Variants in ABCD3 observed in about 807,000 individuals in gnomAD.
ABCD3 encodes the protein ATP-binding cassette sub-family D member 3.
A neutral mutation model predicts 105.5 loss-of-function variants in ABCD3; 41 were observed. That is an observed-to-expected ratio of 0.39 (90% confidence interval 0.30 to 0.50). The LOEUF (loss-of-function observed/expected upper bound fraction) is 0.50. ABCD3 is among the 20% of genes least tolerant of loss of function. The probability of loss-of-function intolerance (pLI) is 0.84; values close to 1 mark genes in which losing one functional copy is unlikely to be tolerated. For synonymous variants in ABCD3, 258 were observed against 269.0 expected (o/e 0.96, Z 0.40); for missense variants, 622 against 806.3 (o/e 0.77, Z 2.77).
chr1:94,469,103 T>C (rs1400159350), intron 4 of ABCD3, among the ~76,000 whole-genome samples: 1 of 152,232 alleles, frequency 6.6e-6, no homozygotes, highest in East Asian at 1.9e-4. Context: ...ATGAATTCCT[T>C]GGCTCCTCTC....
intron 19 of ABCD3, 143 bp downstream of exon 19, chr1:94,499,177 T>A: frequency 1.2e-6 from 1 of 833,420 alleles, no homozygotes; most frequent in Non-Finnish European, 2.0e-6. Context: ...TAAGCTGAGG[T>A]AAGATGTTAA....
chr1:94,439,368 G>T (rs191402549), intron 1 of ABCD3, among the ~76,000 whole-genome samples: 1 of 151,902 alleles, frequency 6.6e-6, no homozygotes, highest in African/African-American at 2.4e-5. Context: ...TAGGCTGGGC[G>T]CAGTGGCTCA....
chr1:94,495,040 C>T (rs1649731888), intron 16 of ABCD3, among the ~76,000 whole-genome samples: 1 of 152,118 alleles, frequency 6.6e-6, no homozygotes, highest in South Asian at 2.1e-4. Flanking sequence ...GAGATCGCAC[C>T]ACTATACTCC....
At chr1:94,464,992 A>C (rs1648069756) in intron 3 of ABCD3, 119 bp downstream of exon 3, 4 of 874,886 alleles carry the variant, frequency 4.6e-6, no homozygotes, top group Non-Finnish European at 7.4e-6. Flanking sequence ...CAGGCTGTAC[A>C]AGCATGGCAC....
intron 22 of ABCD3, 55 bp downstream of exon 22, chr1:94,515,257 G>T: frequency 7.3e-7 from 1 of 1,373,610 alleles, no homozygotes; most frequent in South Asian, 1.2e-5. Context: ...TTTAAAATAT[G>T]AATTCAGGTT....
intron 1 of ABCD3, among the ~76,000 whole-genome samples, chr1:94,449,894 T>G (rs569834970): frequency 1.3e-5 from 2 of 152,356 alleles, no homozygotes; most frequent in African/African-American, 4.8e-5. Context: ...TCAAATGATA[T>G]GGCCCGCTGT....
intron 1 of ABCD3, among the ~76,000 whole-genome samples, chr1:94,430,439 G>T (rs1407961540): frequency 2.6e-5 from 4 of 152,168 alleles, no homozygotes; most frequent in Non-Finnish European, 4.4e-5. Flanking sequence ...AATTCCCAGT[G>T]TTGTAGGAGG....
intron 7 of ABCD3, among the ~76,000 whole-genome samples, chr1:94,475,949 G>A (rs1057405190): frequency 6.6e-6 from 1 of 151,952 alleles, no homozygotes; most frequent in Non-Finnish European, 1.5e-5. Context: ...TGATAATTTA[G>A]TGTCTTATAA....
At chr1:94,483,893 A>T (rs1649153158) in intron 10 of ABCD3, among the ~76,000 whole-genome samples, 2 of 152,234 alleles carry the variant, frequency 1.3e-5, no homozygotes, top group Admixed American at 1.3e-4. Context: ...CAATCTACCC[A>T]TCTGACAAAG....
the ABCD3 span, among the ~76,000 whole-genome samples, chr1:94,413,024 C>T: frequency 6.6e-6 from 1 of 152,000 alleles, no homozygotes; most frequent in Non-Finnish European, 1.5e-5. Context: ...TTTCTTTCTA[C>T]CCTGTTTACA....
chr1:94,475,469 G>A, intron 6 of ABCD3, 145 bp from the exon 7 acceptor site: 1 of 864,746 alleles, frequency 1.2e-6, no homozygotes, highest in South Asian at 1.7e-5. Flanking sequence ...CTAAAAATCA[G>A]TTAGGGCAAT....
At chr1:94,462,197 A>G (rs4148055) in intron 2 of ABCD3, among the ~76,000 whole-genome samples, 101,813 of 151,968 alleles carry the variant, frequency 0.67, 35,639 homozygotes, top group Non-Finnish European at 0.78. Flanking sequence ...TCTTTTTTTT[A>G]TATTTAAAAA....
In ABCD3 at chr1:94,487,590, A is replaced by G. The variant is rs768648731; in HGVS notation, c.946A>G (p.Ile316Val). 45 of 1,613,776 alleles carry G rather than the reference A, an allele frequency of 2.8e-5. No homozygotes were observed. The highest frequency in any genetic ancestry group is 3.6e-5 in the Non-Finnish European group (42 of 1,179,866). Residue 316 changes from isoleucine (I) to valine (V), a missense_variant, in exon 11 of 23, where the codon ATT (isoleucine) becomes GTT (valine). This residue lies in a region of ABCD3 where 245 missense variants were observed against 356.4 expected (regional missense o/e 0.69). Transcript: ENST00000370214. The part of the protein sequence containing the change: ...FILFRFSMGF[I>V]DSIIAKYLAT... ...TTTGTTTCGGTTTTCAATGGGCTTCATTGATAGTATTATTGCCAAATGTAA... is the reference window on the plus strand; with the variant it reads ...TTTGTTTCGGTTTTCAATGGGCTTCGTTGATAGTATTATTGCCAAATGTAA...
chr1:94,481,031 G>A (rs1402468342), intron 9 of ABCD3, among the ~76,000 whole-genome samples: 3 of 152,106 alleles, frequency 2.0e-5, no homozygotes, highest in Non-Finnish European at 4.4e-5. Context: ...TTAAATGTAA[G>A]ATAGGAAGAA....
intron 1 of ABCD3, among the ~76,000 whole-genome samples, chr1:94,426,507 G>A (rs750088381): frequency 6.6e-6 from 1 of 151,262 alleles, no homozygotes; most frequent in Non-Finnish European, 1.5e-5. Context: ...CTTTCACAAT[G>A]GTTTTCCCTT....
chr1:94,417,417 A>C (rs1659059351), upstream of ABCD3, among the ~76,000 whole-genome samples: 1 of 152,218 alleles, frequency 6.6e-6, no homozygotes, highest in Admixed American at 6.5e-5. Context: ...GCTTTTCTCC[A>C]GTTTCCTCAG....
At chr1:94,432,644 A>C (rs1260371408) in intron 1 of ABCD3, 5 of 152,218 alleles carry the variant, frequency 3.3e-5, no homozygotes, top group Non-Finnish European at 7.3e-5. Context: ...CGAATTAACC[A>C]TGTGGAAGGT....
chr1:94,443,883 A>T (rs1316623072), intron 1 of ABCD3, among the ~76,000 whole-genome samples: 1 of 152,176 alleles, frequency 6.6e-6, no homozygotes, highest in Non-Finnish European at 1.5e-5. Flanking sequence ...CTTCTGATAG[A>T]TAGATCACTT....
chr1:94,418,803 ACCCC>A (rs1659131043), intron 1 of ABCD3: 2 of 576,520 alleles, frequency 3.5e-6, no homozygotes, highest in Non-Finnish European at 6.1e-6. Flanking sequence ...ACCTCGCTCC[ACCCC>A]GGGAGTGCGA....
Sources: allele counts gnomAD v4.1 joint callset (sites outside exome capture counted in the v4.1 genomes callset), GRCh38; gene constraint gnomAD v4.1.1; regional missense constraint gnomAD v4.1.1; transcripts MANE v1.5; gene names NCBI Gene and HGNC (gene_info 2026-07-23, HGNC 2026-07-21).